SOX6: variants seen among roughly 807,000 people sequenced by gnomAD.
SOX6 encodes the protein transcription factor SOX-6.
In SOX6, 11 loss-of-function variants were observed where a neutral mutation model predicts 97.8. The ratio of observed to expected loss-of-function variants is 0.11; its 90% CI spans 0.07 to 0.19. The LOEUF is 0.19. Among genes scored for constraint, SOX6 ranks in the 10% least tolerant of loss-of-function variants. The pLI, the probability that SOX6 is intolerant of heterozygous loss-of-function variation, is 1.00. For missense variants in SOX6, 810 were observed against 1,039.5 expected (o/e 0.78, Z 3.04); for synonymous variants, 360 against 371.4 (o/e 0.97, Z 0.35).
At chr11:16,343,353 C>T (rs1418992000) in intron 1 of SOX6, among the ~76,000 whole-genome samples, 1 of 151,918 alleles carries the variant, frequency 6.6e-6, no homozygotes, top group African/African-American at 2.4e-5. Flanking sequence ...AGTGACTTTA[C>T]TTCCCTCAAC....
chr11:16,685,408 ATAGAG>A (rs560054725), intron 3 of SOX6, among the ~76,000 whole-genome samples: 2 of 152,366 alleles, frequency 1.3e-5, no homozygotes, highest in East Asian at 3.9e-4. Context: ...GAGTATTGGC[ATAGAG>A]TAAACATTTC....
At chr11:16,183,562 C>G (rs1285158040) in intron 6 of SOX6, among the ~76,000 whole-genome samples, 1 of 151,884 alleles carries the variant, frequency 6.6e-6, no homozygotes, top group Non-Finnish European at 1.5e-5. Flanking sequence ...AAATACAAAA[C>G]AGAAAGTGGT....
intron 1 of SOX6, among the ~76,000 whole-genome samples, chr11:16,467,177 T>C (rs1393459914): frequency 1.3e-5 from 2 of 152,280 alleles, no homozygotes; most frequent in African/African-American, 4.8e-5. Context: ...GGAATGCTTA[T>C]ACACCGTTTG....
At chr11:16,268,808 G>A (rs1854157148) in intron 3 of SOX6, among the ~76,000 whole-genome samples, 2 of 150,840 alleles carry the variant, frequency 1.3e-5, no homozygotes, top group African/African-American at 4.8e-5. Flanking sequence ...AAATTCCAGA[G>A]TTCTTTATAT....
At chr11:16,523,190 C>T (rs1004586778) in intron 4 of SOX6, among the ~76,000 whole-genome samples, 39 of 151,928 alleles carry the variant, frequency 2.6e-4, no homozygotes, top group African/African-American at 9.0e-4. Flanking sequence ...TTTTTTTCAG[C>T]ACCACACCAC....
chr11:16,521,814 G>C (rs139259712), intron 4 of SOX6, among the ~76,000 whole-genome samples: 3 of 152,132 alleles, frequency 2.0e-5, no homozygotes, highest in Non-Finnish European at 4.4e-5. Context: ...GCCAAGGCTC[G>C]AGAACTATGT....
intron 1 of SOX6, among the ~76,000 whole-genome samples, chr11:16,420,165 AC>A (rs1198044006): frequency 6.6e-6 from 1 of 152,216 alleles, no homozygotes; most frequent in Non-Finnish European, 1.5e-5. Flanking sequence ...AATAAACAAG[AC>A]AAAAGAAAAG....
At chr11:16,203,749 C>G (rs1852000334) in intron 4 of SOX6, among the ~76,000 whole-genome samples, 1 of 151,984 alleles carries the variant, frequency 6.6e-6, no homozygotes, top group African/African-American at 2.4e-5. Flanking sequence ...TTCTCTTTGT[C>G]AACCCAAATA....
intron 4 of SOX6, among the ~76,000 whole-genome samples, chr11:16,190,516 T>C (rs934697844): frequency 1.3e-5 from 2 of 152,214 alleles, no homozygotes; most frequent in Non-Finnish European, 2.9e-5. Flanking sequence ...CCACAGATGA[T>C]ATGAAGTATG....
intron 13 of SOX6, among the ~76,000 whole-genome samples, chr11:15,996,661 T>C (rs1243027005): frequency 6.6e-6 from 1 of 151,504 alleles, no homozygotes; most frequent in Non-Finnish European, 1.5e-5. Context: ...GAAGTATAGC[T>C]AAAAATCTAC....
At chr11:16,190,271 A>AAC (rs755680113) in intron 4 of SOX6, among the ~76,000 whole-genome samples, 98 of 152,220 alleles carry the variant, frequency 6.4e-4, no homozygotes, top group Non-Finnish European at 1.1e-3. Flanking sequence ...TGAGAATTTA[A>AAC]ACACTCATAT....
chr11:16,629,668 G>A (rs1310830162), intron 3 of SOX6, among the ~76,000 whole-genome samples: 1 of 152,076 alleles, frequency 6.6e-6, no homozygotes, highest in Non-Finnish European at 1.5e-5. Context: ...TAGTAGAATT[G>A]ATACCAGCTC....
intron 12 of SOX6, among the ~76,000 whole-genome samples, chr11:16,039,748 C>A (rs1192877416): frequency 6.6e-6 from 1 of 151,848 alleles, no homozygotes; most frequent in Non-Finnish European, 1.5e-5. Context: ...TATATTACTA[C>A]CTAATTGATT....
intron 3 of SOX6, among the ~76,000 whole-genome samples, chr11:16,651,501 T>C (rs2134013560): frequency 6.6e-6 from 1 of 152,222 alleles, no homozygotes. Flanking sequence ...ATATACCACA[T>C]AAGCAGAACT....
intron 4 of SOX6, among the ~76,000 whole-genome samples, chr11:16,526,129 C>T (rs1424884421): frequency 6.6e-6 from 1 of 152,086 alleles, no homozygotes; most frequent in African/African-American, 2.4e-5. Flanking sequence ...CCATCCCATT[C>T]CTGGGTATAT....
chr11:16,699,232 C>A (rs1250287113), intron 3 of SOX6, among the ~76,000 whole-genome samples: 1 of 151,996 alleles, frequency 6.6e-6, no homozygotes, highest in African/African-American at 2.4e-5. Flanking sequence ...TCACAATAGT[C>A]TTAGGAATTG....
intron 3 of SOX6, among the ~76,000 whole-genome samples, chr11:16,283,019 G>GTATA (rs10581082): frequency 1.9e-3 from 247 of 133,158 alleles, no homozygotes; most frequent in African/African-American, 6.0e-3. Flanking sequence ...TGAGATGTGA[G>GTATA]TATATATATA....
At chr11:16,487,404 A>G (rs575157599) in intron 4 of SOX6, among the ~76,000 whole-genome samples, 3 of 152,290 alleles carry the variant, frequency 2.0e-5, no homozygotes, top group Admixed American at 2.0e-4. Context: ...GCATAATCCC[A>G]GACCTCCAGG....
chr11:16,020,736 A>G (rs955175637), intron 12 of SOX6, among the ~76,000 whole-genome samples: 2 of 152,168 alleles, frequency 1.3e-5, no homozygotes, highest in Admixed American at 6.6e-5. Flanking sequence ...CTACGTAATT[A>G]GCCCCTAGTT....
Sources: allele counts gnomAD v4.1 joint callset (sites outside exome capture counted in the v4.1 genomes callset), GRCh38; gene constraint gnomAD v4.1.1; transcripts MANE v1.5; gene names NCBI Gene and HGNC (gene_info 2026-07-23, HGNC 2026-07-21).